BRINP3: variants seen among roughly 807,000 people sequenced by gnomAD.
BRINP3 encodes BMP/retinoic acid inducible neural specific 3, also known as BMP/retinoic acid-inducible neural-specific protein 3.
Under a neutral mutation model 71.0 loss-of-function variants are expected in BRINP3, and 19 were observed. That is an observed-to-expected ratio of 0.27 (90% confidence interval 0.19 to 0.39). The LOEUF is 0.39. BRINP3 is among the 10% of genes least tolerant of loss of function. The probability of loss-of-function intolerance (pLI) is 1.00; values close to 1 mark genes in which losing one functional copy is unlikely to be tolerated. For synonymous variants in BRINP3, 380 were observed against 337.7 expected, an observed-to-expected ratio of 1.13 and a Z score of -1.37; for missense variants, 959 against 940.8, an observed-to-expected ratio of 1.02 and a Z score of -0.25.
chr1:190,143,408 C>G (rs933627921), intron 7 of BRINP3, among the ~76,000 whole-genome samples: 1 of 152,306 alleles, frequency 6.6e-6, no homozygotes, highest in South Asian at 2.1e-4. Flanking sequence ...AATGGAACTA[C>G]TCAAAGGTCA....
intron 2 of BRINP3, among the ~76,000 whole-genome samples, chr1:190,344,154 T>G (rs998391416): frequency 6.6e-6 from 1 of 151,814 alleles, no homozygotes; most frequent in Non-Finnish European, 1.5e-5. Flanking sequence ...ATTACTAATA[T>G]AAAAAATAAG....
chr1:190,222,503 A>G lies in BRINP3; in HGVS notation c.961+3579T>C, dbSNP rs192013904. On this transcript the variant is annotated intron_variant, in intron 6 of 7. Transcript: ENST00000367462. ...TGAACCTCAACGAACGAGAAAAGCAAGAATAAACCAAACCCCAAATTAATA... is the reference window on the plus strand; with the variant it reads ...TGAACCTCAACGAACGAGAAAAGCAGGAATAAACCAAACCCCAAATTAATA... Among the ~76,000 whole-genome samples, 198 of 152,070 alleles carry G rather than the reference A, an allele frequency of 1.3e-3. 3 individuals carry two copies. The highest frequency in any genetic ancestry group is 0.011 in the Admixed American group (166 of 15,258).
intron 7 of BRINP3, among the ~76,000 whole-genome samples, chr1:190,136,798 G>A (rs1169615455): frequency 6.6e-6 from 1 of 151,988 alleles, no homozygotes; most frequent in Non-Finnish European, 1.5e-5. Context: ...TGTAAACCTA[G>A]AAGAGCTATG....
intron 2 of BRINP3, among the ~76,000 whole-genome samples, chr1:190,398,323 G>A (rs1361962230): frequency 6.6e-6 from 1 of 151,904 alleles, no homozygotes; most frequent in Non-Finnish European, 1.5e-5. Context: ...ATCCATATCT[G>A]ATTAACAGGA....
At chr1:190,410,581 T>A (rs553943981) in intron 2 of BRINP3, among the ~76,000 whole-genome samples, 15 of 151,824 alleles carry the variant, frequency 9.9e-5, no homozygotes, top group African/African-American at 3.6e-4. Flanking sequence ...ATAGAGAATA[T>A]AGGAATGTAA....
intron 6 of BRINP3, 24 bp from the exon 7 acceptor site, chr1:190,160,914 C>A (rs1553251864): frequency 6.6e-7 from 1 of 1,509,602 alleles, no homozygotes; most frequent in Non-Finnish European, 9.1e-7. Flanking sequence ...AAATTCAACA[C>A]TTTAATTATG....
At chr1:190,113,089 T>G (rs1021933515) in intron 7 of BRINP3, among the ~76,000 whole-genome samples, 2 of 152,178 alleles carry the variant, frequency 1.3e-5, no homozygotes, top group Non-Finnish European at 2.9e-5. Flanking sequence ...GCATATCGAA[T>G]TATATTGTAC....
chr1:190,418,723 T>C (rs1016604495), intron 2 of BRINP3, among the ~76,000 whole-genome samples: 1 of 152,124 alleles, frequency 6.6e-6, no homozygotes, highest in South Asian at 2.1e-4. Context: ...TACAGAATCC[T>C]GTGTATATTA....
intron 2 of BRINP3, among the ~76,000 whole-genome samples, chr1:190,417,098 T>A (rs1441586015): frequency 6.6e-6 from 1 of 152,168 alleles, no homozygotes; most frequent in Non-Finnish European, 1.5e-5. Context: ...TTGTGTAGAA[T>A]GCCCTAGATT....
At chr1:190,470,110 A>G (rs1677031082) in intron 1 of BRINP3, among the ~76,000 whole-genome samples, 1 of 151,050 alleles carries the variant, frequency 6.6e-6, no homozygotes, top group South Asian at 2.1e-4. Context: ...TGGTCTTCCC[A>G]ACTCTAGATT....
At chr1:190,179,904 G>A (rs1416013269) in intron 6 of BRINP3, among the ~76,000 whole-genome samples, 1 of 152,022 alleles carries the variant, frequency 6.6e-6, no homozygotes, top group Non-Finnish European at 1.5e-5. Context: ...ATAGTTCTTT[G>A]TCCTATCTGT....
At chr1:190,429,797 C>T (rs1023170162) in intron 2 of BRINP3, among the ~76,000 whole-genome samples, 1 of 151,950 alleles carries the variant, frequency 6.6e-6, no homozygotes, top group Non-Finnish European at 1.5e-5. Context: ...CCATCTTGGC[C>T]AGACTGGTCT....
At chr1:190,438,513 A>G (rs1674615353) in intron 2 of BRINP3, among the ~76,000 whole-genome samples, 1 of 151,852 alleles carries the variant, frequency 6.6e-6, no homozygotes, top group Admixed American at 6.6e-5. Context: ...TACTGTAGCT[A>G]TAAAAAGCCA....
intron 2 of BRINP3, among the ~76,000 whole-genome samples, chr1:190,296,944 TAGA>T (rs1361803616): frequency 2.6e-5 from 4 of 152,108 alleles, no homozygotes; most frequent in Non-Finnish European, 4.4e-5. Flanking sequence ...GTTTATGGAT[TAGA>T]AGAATTATTA....
chr1:190,103,908 CTTTTT>C (rs771659610), intron 7 of BRINP3, among the ~76,000 whole-genome samples: 8 of 143,328 alleles, frequency 5.6e-5, no homozygotes, highest in Admixed American at 2.1e-4. Context: ...GGGCCAGTCA[CTTTTT>C]TTTTTTTTAA....
chr1:190,350,676 T>C (rs925751140), intron 2 of BRINP3, among the ~76,000 whole-genome samples: 2 of 152,112 alleles, frequency 1.3e-5, no homozygotes, highest in Non-Finnish European at 2.9e-5. Context: ...CTTTTCTTAA[T>C]AGTTTAGAAA....
At chr1:190,318,000 T>A (rs927145506) in intron 2 of BRINP3, among the ~76,000 whole-genome samples, 6 of 152,074 alleles carry the variant, frequency 3.9e-5, no homozygotes, top group Admixed American at 3.9e-4. Context: ...CATTTAAAAG[T>A]TCAATATATA....
intron 7 of BRINP3, among the ~76,000 whole-genome samples, chr1:190,121,392 T>A (rs536068235): frequency 6.6e-6 from 1 of 152,222 alleles, no homozygotes; most frequent in Non-Finnish European, 1.5e-5. Context: ...ATTGTACAAT[T>A]AAGAAAAACA....
rs150932373 is a variant in BRINP3, at chr1:190,282,108, T to C, written c.237-358A>G. On this transcript the variant is annotated intron_variant, in intron 2 of 7. Transcript: ENST00000367462. ...AATTTTTTTCATTTTCTAAGGTATA[T>C]TGGAAAAAAAGAATGATTTATATTC... Among the ~76,000 whole-genome samples the C allele has an allele frequency of 2.5e-4, 38 of 151,982 alleles. No homozygotes were observed. The East Asian group carries it at 7.0e-3, about 28-fold the overall frequency.
Sources: gnomAD v4.1 joint callset for allele counts (sites outside exome capture counted in the v4.1 genomes callset) on GRCh38, gnomAD v4.1.1 for gene constraint, MANE v1.5 for transcripts, NCBI Gene and HGNC (gene_info 2026-07-23, HGNC 2026-07-21) for gene names.